The following LMO7 variants were observed in gnomAD, a reference collection of about 807,000 sequenced individuals.
LMO7 encodes the protein LIM domain only protein 7.
A neutral mutation model predicts 206.5 loss-of-function variants in LMO7; 120 were observed. That is an observed-to-expected ratio of 0.58 (90% CI 0.50 to 0.68). LMO7 has a LOEUF of 0.68. LMO7 is among the 30% of genes least tolerant of loss of function. The pLI, the probability that LMO7 is intolerant of heterozygous loss-of-function variation, is 0.00. For missense variants in LMO7, 1,959 were observed against 1,957.9 expected, an observed-to-expected ratio of 1.00 and a Z score of -0.01; for synonymous variants, 706 against 681.5, an observed-to-expected ratio of 1.04 and a Z score of -0.56.
At chr13:75,819,635 A>G in intron 13 of LMO7, 100 bp downstream of exon 13, 2 of 1,176,210 alleles carry the variant, frequency 1.7e-6, no homozygotes, top group Non-Finnish European at 2.3e-6. Context: ...GTGTCCACCA[A>G]TATTCAACTT....
At chr13:75,622,475 G>T (rs1195393033) in intron 1 of LMO7, among the ~76,000 whole-genome samples, 1 of 152,170 alleles carries the variant, frequency 6.6e-6, no homozygotes, top group Non-Finnish European at 1.5e-5. Flanking sequence ...ACTTTGAAAA[G>T]TCTTTTCTCA....
In LMO7 at chr13:75,855,344, T is replaced by G. The variant is rs765539189; in HGVS notation, c.4746T>G (p.Leu1582=). The G allele has an allele frequency of 1.3e-5, 21 of 1,612,432 alleles. No individual in the cohort carries two copies. Among genetic ancestry groups the G allele is most frequent in the Non-Finnish European group, 1.7e-5 (20 of 1,178,550 alleles). Residue 1582 remains leucine (L), a synonymous_variant, in exon 29 of 31, where the codon CTT becomes CTG. Coordinates refer to ENST00000377534, the MANE Select transcript of LMO7 (RefSeq NM_001306080.2). Reference sequence around the variant, plus strand: ...CCATGATCATCGAGTCCCTGGGTCTTTGTTATCATTTGCATTGTTTTAAGG... The same window carrying G: ...CCATGATCATCGAGTCCCTGGGTCTGTGTTATCATTTGCATTGTTTTAAGG... The part of the protein sequence containing the change: ...GAAMIIESLG[L]CYHLHCFKCV...
chr13:75,641,533 A>G (rs2036527625), intron 1 of LMO7, among the ~76,000 whole-genome samples: 1 of 152,166 alleles, frequency 6.6e-6, no homozygotes, highest in African/African-American at 2.4e-5. Flanking sequence ...GAGCACATTA[A>G]TCTCCATTTC....
At chr13:75,634,774 C>T (rs2035528385), upstream of LMO7, among the ~76,000 whole-genome samples, 2 of 151,226 alleles carry the variant, frequency 1.3e-5, no homozygotes, top group African/African-American at 2.4e-5. Flanking sequence ...TTTGGGAGGC[C>T]GAGGTGGGTG....
At chr13:75,800,962 G>A (rs963959396) in intron 7 of LMO7, 80 bp downstream of exon 7, 3 of 1,353,236 alleles carry the variant, frequency 2.2e-6, no homozygotes, top group African/African-American at 2.9e-5. Flanking sequence ...GAAAAATGGA[G>A]CAAAAACTAG....
At chr13:75,634,156 A>G (rs1447259764), upstream of LMO7, among the ~76,000 whole-genome samples, 10 of 151,690 alleles carry the variant, frequency 6.6e-5, no homozygotes. Context: ...TAGGGGTGAA[A>G]TCTCCTATCT....
At chr13:75,620,973 C>T in exon 1 of LMO7, 1 of 152,112 alleles carries the variant, frequency 6.6e-6, no homozygotes, top group Non-Finnish European at 1.5e-5. Context: ...GTCATTGCTT[C>T]ATGGGTAGAG....
chr13:75,790,401 C>A (rs1461165520), intron 4 of LMO7, among the ~76,000 whole-genome samples: 2 of 152,148 alleles, frequency 1.3e-5, no homozygotes, highest in African/African-American at 4.8e-5. Flanking sequence ...TGAAGTGATG[C>A]AATCAAGTTC....
intron 1 of LMO7, among the ~76,000 whole-genome samples, chr13:75,667,508 A>T (rs776156576): frequency 4.6e-5 from 7 of 152,138 alleles, no homozygotes; most frequent in Non-Finnish European, 8.8e-5. Context: ...TTCAGGGTCA[A>T]TGACTTGCTT....
At position 75,821,203 on chromosome 13, in the gene LMO7, T is replaced by A; in HGVS notation, c.2234T>A (p.Val745Asp). ...DRESQNQKSTVPSRRRMYSFD... is the reference protein window; with the variant it reads ...DRESQNQKSTDPSRRRMYSFD... ...GAATCCCAAAATCAAAAGTCTACAG[T>A]TCCGTCAAGAAGGAGAATGTATTCT... The change falls in exon 14 of 31, where the codon GTT becomes GAT. Residue 745 changes from valine (V) to aspartate (D), a missense_variant. Val to Asp is a radical substitution (Grantham distance 152). Transcript: ENST00000377534. 1.2e-6 allele frequency: 2 copies of A among 1,610,008 alleles called. No homozygotes were observed. The highest frequency in any genetic ancestry group is 1.7e-6 in the Non-Finnish European group (2 of 1,178,720).
chr13:75,756,635 C>T (rs1189534093), intron 3 of LMO7, among the ~76,000 whole-genome samples: 2 of 152,146 alleles, frequency 1.3e-5, no homozygotes, highest in African/African-American at 4.8e-5. Flanking sequence ...TTTCTCTACT[C>T]TCTGACCTAG....
chr13:75,648,083 G>T (rs1051641813), intron 1 of LMO7, among the ~76,000 whole-genome samples: 1 of 150,094 alleles, frequency 6.7e-6, no homozygotes, highest in Non-Finnish European at 1.5e-5. Context: ...GAGTAGCTGG[G>T]GCTATCGGTG....
At chr13:75,637,186 CG>C (rs1182818004) in intron 1 of LMO7, among the ~76,000 whole-genome samples, 1 of 21,916 alleles carries the variant, frequency 4.6e-5, no homozygotes, top group Non-Finnish European at 8.6e-5. Context: ...AGGGGGGGAG[CG>C]GAAAAGAAGG....
chr13:75,816,653 A>G (rs2057029930), intron 11 of LMO7: 1 of 114,304 alleles, frequency 8.7e-6, no homozygotes, highest in African/African-American at 2.6e-5. Context: ...GGTAGGGCGG[A>G]TCTTATAGGA....
chr13:75,748,827 T>C (rs1230407665), intron 3 of LMO7, among the ~76,000 whole-genome samples: 1 of 151,496 alleles, frequency 6.6e-6, no homozygotes, highest in East Asian at 1.9e-4. Flanking sequence ...TTTTTTTTTT[T>C]TGAGACAGGG....
chr13:75,623,218 AT>A lies in LMO7; in HGVS notation c.176-45del, dbSNP rs1014156738. On this transcript the variant is annotated intron_variant, in intron 1 of 29. Coordinates refer to the LMO7 transcript ENST00000341547. ...AATAAATATTTGTTGATTACTTTTC[AT>A]TTTTTTTCTGTATTGGTTTTTTAAC... 7.9e-4 allele frequency: 693 copies of A among 881,432 alleles called. 3 individuals are homozygous for A. Among genetic ancestry groups the A allele is most frequent in the Non-Finnish European group, 1.0e-3 (550 of 541,868 alleles). 54.6% of individuals were successfully genotyped at this position (881,432 alleles called of 1,614,324 possible). A position where few individuals can be genotyped will look rare whatever the true frequency, so the allele number is the denominator to read the frequency against.
chr13:75,761,081 A>G (rs755063774), intron 4 of LMO7, 43 bp downstream of exon 4: 1 of 1,211,778 alleles, frequency 8.3e-7, no homozygotes, highest in Admixed American at 2.4e-5. Flanking sequence ...ATATATTTAA[A>G]CTTAGGGCTT....
intron 3 of LMO7, chr13:75,760,666 G>A: frequency 1.3e-6 from 2 of 1,509,238 alleles, no homozygotes; most frequent in Non-Finnish European, 1.8e-6. Flanking sequence ...CCTGTAACAG[G>A]TAATGTTTAA....
intron 1 of LMO7, among the ~76,000 whole-genome samples, chr13:75,667,701 T>G (rs2039194920): frequency 6.6e-6 from 1 of 152,212 alleles, no homozygotes; most frequent in Non-Finnish European, 1.5e-5. Context: ...GATATTGGAA[T>G]GATAGCTGCT....
Sources: gnomAD v4.1 joint callset for allele counts (sites outside exome capture counted in the v4.1 genomes callset) on GRCh38, gnomAD v4.1.1 for gene constraint, MANE v1.5 for transcripts, NCBI Gene and HGNC (gene_info 2026-07-23, HGNC 2026-07-21) for gene names.